The following FLRT2 variants were observed in gnomAD, a reference collection of about 807,000 sequenced individuals.
The protein encoded by FLRT2 is leucine-rich repeat transmembrane protein FLRT2.
FLRT2 carries 15 observed loss-of-function variants against 40.0 expected under a neutral mutation model. That is an observed-to-expected ratio of 0.38 (90% CI 0.25 to 0.58). The LOEUF (loss-of-function observed/expected upper bound fraction) is 0.58. Among genes scored for constraint, FLRT2 ranks in the 20% least tolerant of loss-of-function variants. The pLI, the probability that FLRT2 is intolerant of heterozygous loss-of-function variation, is 0.71. For synonymous variants in FLRT2, 380 were observed against 336.8 expected (o/e 1.13, Z -1.41); for missense variants, 726 against 840.0 (o/e 0.86, Z 1.68).
In FLRT2 at chr14:85,648,975, A is replaced by T. The variant is rs1435677173; in HGVS notation, c.*25478A>T. The T allele has an allele frequency of 6.6e-6, 1 of 152,098 alleles. No homozygotes were observed. The highest frequency in any genetic ancestry group is 1.5e-5 in the Non-Finnish European group (1 of 68,008). The allele number at this position is 152,098 out of a possible 1,614,324, so 9.4% of individuals were successfully genotyped here. A position where few individuals can be genotyped will look rare whatever the true frequency, so the allele number is the denominator to read the frequency against. ...ATTCACTGATCTATTATAATTTACC[A>T]ATTCCTTTGCATCATAGCACCCATG... On this transcript the variant is annotated 3_prime_UTR_variant, in exon 2 of 2. Transcript: ENST00000330753.
chr14:85,569,168 T>A (rs1415392671), intron 1 of FLRT2, among the ~76,000 whole-genome samples: 1 of 152,178 alleles, frequency 6.6e-6, no homozygotes, highest in Non-Finnish European at 1.5e-5. Flanking sequence ...CACTCCAGAT[T>A]ACCATTTTTG....
At chr14:85,538,550 G>C (rs2372921) in intron 1 of FLRT2, among the ~76,000 whole-genome samples, 133,283 of 151,756 alleles carry the variant, frequency 0.88, 59,206 homozygotes, top group Middle Eastern at 0.95. Flanking sequence ...ATGTCATACT[G>C]TTATATTTCA....
intron 1 of FLRT2, among the ~76,000 whole-genome samples, chr14:85,612,579 G>A (rs1490168678): frequency 6.6e-6 from 1 of 152,106 alleles, no homozygotes; most frequent in Non-Finnish European, 1.5e-5. Flanking sequence ...CTTGAAAGAA[G>A]GAGAGGGTCA....
rs373521150 is a variant in FLRT2, at chr14:85,584,102, C to A, written c.-376-37037C>A. On this transcript the variant is annotated intron_variant, in intron 1 of 1. Coordinates refer to ENST00000330753, the MANE Select transcript of FLRT2 (RefSeq NM_013231.6). ...AATATGGGCTGCCTCACTTCCTCAC[C>A]AGTGAGTTTGCAGGCTCAGGAAAGC... 5.8e-4 allele frequency among the ~76,000 whole-genome samples: 88 copies of A among 152,244 alleles called. 1 individual carries two copies. In the South Asian group the frequency reaches 0.018, roughly 31 times the overall value.
At chr14:85,616,619 C>G (rs180697870) in intron 1 of FLRT2, among the ~76,000 whole-genome samples, 175 of 152,274 alleles carry the variant, frequency 1.1e-3, no homozygotes, top group African/African-American at 4.2e-3. Flanking sequence ...TGGCTTGGGC[C>G]TCTCTATCCT....
intron 1 of FLRT2, among the ~76,000 whole-genome samples, chr14:85,616,094 T>C (rs1352585233): frequency 6.6e-6 from 1 of 152,162 alleles, no homozygotes; most frequent in African/African-American, 2.4e-5. Context: ...GTTTTTACTG[T>C]CATCTTTAAG....
In FLRT2 at chr14:85,631,112, T is replaced by TTTTATATATATATATATATATATATA. The variant is rs1555372972; in HGVS notation, c.*7616_*7617insTTATATATATATATATATATATATAT. On this transcript the variant is annotated 3_prime_UTR_variant, in exon 2 of 2. Coordinates refer to ENST00000330753, the MANE Select transcript of FLRT2 (RefSeq NM_013231.6). ...TATAATTACATATATAATCTAGATT[T>TTTTATATATATATATATATATATATA]TATATATATATATATATGAAATGAG... The TTTTATATATATATATATATATATATA allele has an allele frequency of 1.1e-5, 1 of 91,886 alleles. No homozygotes were observed. The highest frequency in any genetic ancestry group is 1.9e-5 in the Non-Finnish European group (1 of 53,022). 5.7% of individuals were successfully genotyped at this position (91,886 alleles called of 1,614,324 possible).
At chr14:85,566,143 A>G (rs1890605214) in intron 1 of FLRT2, among the ~76,000 whole-genome samples, 1 of 152,200 alleles carries the variant, frequency 6.6e-6, no homozygotes, top group Admixed American at 6.5e-5. Flanking sequence ...TGCCAGCAGT[A>G]GTTTTTTCCA....
intron 1 of FLRT2, among the ~76,000 whole-genome samples, chr14:85,548,251 T>G (rs1405363853): frequency 6.6e-6 from 1 of 152,248 alleles, no homozygotes; most frequent in Non-Finnish European, 1.5e-5. Context: ...AAATATTGGA[T>G]AAATTAATAT....
At chr14:85,532,892 A>G (rs1888371872) in intron 1 of FLRT2, among the ~76,000 whole-genome samples, 1 of 152,184 alleles carries the variant, frequency 6.6e-6, no homozygotes, top group Admixed American at 6.5e-5. Context: ...ACCATTAAGC[A>G]GGTATGGGGA....
intron 1 of FLRT2, among the ~76,000 whole-genome samples, chr14:85,589,334 A>G (rs1891779443): frequency 1.3e-5 from 2 of 152,088 alleles, no homozygotes; most frequent in South Asian, 4.1e-4. Flanking sequence ...ATCTCAATGT[A>G]GTTTTAATTT....
rs1056205095 is a variant in FLRT2, at chr14:85,626,143, C to T, written c.*2646C>T. ...ATTAAAATCCGTCTCCCATTTGTTACAGCCTCACCTGCACCAGGATAGAAA... is the reference window on the plus strand; with the variant it reads ...ATTAAAATCCGTCTCCCATTTGTTATAGCCTCACCTGCACCAGGATAGAAA... On this transcript the variant is annotated 3_prime_UTR_variant, in exon 2 of 2. Coordinates refer to ENST00000330753, the MANE Select transcript of FLRT2 (RefSeq NM_013231.6). 1 of 167,114 alleles carries T rather than the reference C, an allele frequency of 6.0e-6. No homozygotes were observed. The highest frequency in any genetic ancestry group is 2.4e-5 in the African/African-American group (1 of 41,464). 10.4% of individuals were successfully genotyped at this position (167,114 alleles called of 1,614,324 possible).
At chr14:85,552,256 G>T (rs1889674678) in intron 1 of FLRT2, among the ~76,000 whole-genome samples, 1 of 152,062 alleles carries the variant, frequency 6.6e-6, no homozygotes, top group East Asian at 1.9e-4. Flanking sequence ...AGTCTACTTG[G>T]GTTTGTAGGT....
In FLRT2 at chr14:85,556,071, T is replaced by G. The variant is rs375290892; in HGVS notation, c.-377+25537T>G. ...CATTAAGTTGGGAAATCCTATCCCA[T>G]GAATACAGATGTTTTAGGCTTGCAT... On this transcript the variant is annotated intron_variant, in intron 1 of 1. Coordinates refer to ENST00000330753, the MANE Select transcript of FLRT2 (RefSeq NM_013231.6). 2.4e-4 allele frequency among the ~76,000 whole-genome samples: 36 copies of G among 152,326 alleles called. No homozygotes were observed. The East Asian group carries it at 6.6e-3, about 28-fold the overall frequency.
At position 85,643,354 on chromosome 14, in the gene FLRT2, T is replaced by TCTTTCTTTCTTCCTTCCTTCCTTC. The variant is rs1555373579; in HGVS notation, c.*19860_*19861insTCTTTCTTCCTTCCTTCCTTCCTT. ...TTCTTTCTTTCTTTCTTTCTTTCTT[T>TCTTTCTTTCTTCCTTCCTTCCTTC]CTTCCTTCCTTCCTTCCTTCCTTTC... On this transcript the variant is annotated 3_prime_UTR_variant, in exon 2 of 2. Transcript: ENST00000330753. 6.1e-4 allele frequency: 28 copies of TCTTTCTTTCTTCCTTCCTTCCTTC among 46,062 alleles called. No individual in the cohort carries two copies. Among genetic ancestry groups the TCTTTCTTTCTTCCTTCCTTCCTTC allele is most frequent in the African/African-American group, 1.4e-3 (19 of 13,266 alleles). 2.9% of individuals were successfully genotyped at this position (46,062 alleles called of 1,614,324 possible). A position where few individuals can be genotyped will look rare whatever the true frequency, so the allele number is the denominator to read the frequency against.
In FLRT2 at chr14:85,575,682, G is replaced by T. The variant is rs180831003; in HGVS notation, c.-377+45148G>T. Among the ~76,000 whole-genome samples the T allele has an allele frequency of 2.3e-3, 355 of 152,188 alleles. 7 individuals are homozygous for T. Among genetic ancestry groups the T allele is most frequent in the Non-Finnish European group, 7.2e-4 (49 of 68,008 alleles). On this transcript the variant is annotated intron_variant, in intron 1 of 1. Transcript: ENST00000330753. ...TAGGGCAAATGGACTAATGAATAAA[G>T]AACAATGGGCAGCAATTTAAACCTC...
rs1287682438 is a variant in FLRT2 at position 85,651,979 on chromosome 14, A to G, written c.*28482A>G. 2 of 152,090 alleles carry G rather than the reference A, an allele frequency of 1.3e-5. No homozygotes were observed. Among genetic ancestry groups the G allele is most frequent in the East Asian group, 3.8e-4 (2 of 5,196 alleles). 9.4% of individuals were successfully genotyped at this position (152,090 alleles called of 1,614,324 possible). A position where few individuals can be genotyped will look rare whatever the true frequency, so the allele number is the denominator to read the frequency against. On this transcript the variant is annotated 3_prime_UTR_variant, in exon 2 of 2. Coordinates refer to ENST00000330753, the MANE Select transcript of FLRT2 (RefSeq NM_013231.6). Reference sequence around the variant, plus strand: ...TAGGGCTGGGGCTAATGGAAAATACATCTTAAAAAGTCTTCTGTGTAAAAC... The same window carrying G: ...TAGGGCTGGGGCTAATGGAAAATACGTCTTAAAAAGTCTTCTGTGTAAAAC...
chr14:85,618,569 ACATAGT>A (rs1276016232), intron 1 of FLRT2, among the ~76,000 whole-genome samples: 3 of 152,194 alleles, frequency 2.0e-5, no homozygotes, highest in African/African-American at 7.2e-5. Context: ...CAAGTGTCGT[ACATAGT>A]CATTGCACTG....
chr14:85,570,319 A>T (rs551802228), intron 1 of FLRT2, among the ~76,000 whole-genome samples: 1 of 152,292 alleles, frequency 6.6e-6, no homozygotes, highest in Admixed American at 6.5e-5. Flanking sequence ...AACATGTAAC[A>T]ATTCAACTTC....
Sources: allele counts gnomAD v4.1 joint callset (sites outside exome capture counted in the v4.1 genomes callset), GRCh38; gene constraint gnomAD v4.1.1; transcripts MANE v1.5; gene names NCBI Gene and HGNC (gene_info 2026-07-23, HGNC 2026-07-21).